Variants in ZNF695 observed in about 807,000 individuals in gnomAD.
ZNF695 encodes zinc finger protein 695, also known as zinc finger protein SBZF3.
A neutral mutation model predicts 11.2 loss-of-function variants in ZNF695; 11 were observed. That is an observed-to-expected ratio of 0.98 (90% CI 0.62 to 1.62). The LOEUF is 1.62. ZNF695 is among the 40% of genes most tolerant of loss of function. ZNF695 has a pLI of 0.00. For synonymous variants in ZNF695, 190 were observed against 201.4 expected (o/e 0.94, Z 0.48); for missense variants, 559 against 590.5 (o/e 0.95, Z 0.55).
At chr1:247,007,771 G>C (rs1669584508) in intron 1 of ZNF695, 135 bp downstream of exon 1, 1 of 1,037,474 alleles carries the variant, frequency 9.6e-7, no homozygotes, top group Admixed American at 3.3e-5. Flanking sequence ...GCCGAGCTGC[G>C]CCAGCGGGAC....
intron 5 of ZNF695, among the ~76,000 whole-genome samples, chr1:246,950,876 T>A (rs1232680468): frequency 6.6e-6 from 1 of 152,046 alleles, no homozygotes. Context: ...ATTAAATGAG[T>A]AAACTTGTAA....
At chr1:246,961,036 C>CA (rs573338767) in intron 5 of ZNF695, among the ~76,000 whole-genome samples, 134 of 152,298 alleles carry the variant, frequency 8.8e-4, no homozygotes, top group Middle Eastern at 3.4e-3. Flanking sequence ...AAAACATGTT[C>CA]ACTATGAAGG....
chr1:246,980,758 G>C (rs1457523373), downstream of ZNF695, among the ~76,000 whole-genome samples: 3 of 152,112 alleles, frequency 2.0e-5, no homozygotes, highest in Non-Finnish European at 4.4e-5. Context: ...GAGGCATTAA[G>C]TGCATTCACA....
At chr1:246,948,431 C>G (rs769594441) in intron 5 of ZNF695, among the ~76,000 whole-genome samples, 1 of 151,944 alleles carries the variant, frequency 6.6e-6, no homozygotes, top group African/African-American at 2.4e-5. Flanking sequence ...ACTGTCTGTA[C>G]GAGGCTGCGA....
chr1:246,960,376 T>C (rs999805806), intron 5 of ZNF695, among the ~76,000 whole-genome samples: 15 of 152,192 alleles, frequency 9.9e-5, no homozygotes, highest in Non-Finnish European at 2.1e-4. Flanking sequence ...TTATATTATA[T>C]AGAGTGTGGT....
intron 2 of ZNF695, among the ~76,000 whole-genome samples, 167 bp downstream of exon 2, chr1:246,999,745 C>T (rs1265784851): frequency 1.3e-5 from 2 of 152,120 alleles, no homozygotes; most frequent in African/African-American, 4.8e-5. Flanking sequence ...CAAGGATATA[C>T]ATCAGCTGAA....
chr1:246,995,813 CAA>C (rs60375785), intron 3 of ZNF695, among the ~76,000 whole-genome samples: 1,100 of 66,794 alleles, frequency 0.016, 9 homozygotes, highest in African/African-American at 0.046. Context: ...GACTCTGTCT[CAA>C]AAAAAAAAAA....
intron 1 of ZNF695, among the ~76,000 whole-genome samples, chr1:247,001,433 C>A (rs34651986): frequency 0.039 from 5,970 of 151,456 alleles, 154 homozygotes; most frequent in South Asian, 0.12. Context: ...GAAAAGGAGC[C>A]GGGCGTGGTG....
intron 4 of ZNF695, among the ~76,000 whole-genome samples, chr1:246,978,977 A>G (rs1012796983): frequency 5.3e-5 from 8 of 152,194 alleles, no homozygotes; most frequent in African/African-American, 1.9e-4. Context: ...AGTCTTGTTT[A>G]TCCAAGTGTG....
intron 5 of ZNF695, among the ~76,000 whole-genome samples, chr1:246,958,978 A>G (rs1668079150): frequency 6.6e-6 from 1 of 151,846 alleles, no homozygotes; most frequent in Non-Finnish European, 1.5e-5. Context: ...TACTCTCCTC[A>G]GATGTCAGCG....
At chr1:246,976,080 T>C (rs1668550245) in intron 4 of ZNF695, among the ~76,000 whole-genome samples, 2 of 152,188 alleles carry the variant, frequency 1.3e-5, no homozygotes, top group South Asian at 2.1e-4. Context: ...CTGCTGATAC[T>C]GGCTGGTGAG....
chr1:246,996,216 C>A, intron 3 of ZNF695: 1 of 325,732 alleles, frequency 3.1e-6, no homozygotes, highest in Non-Finnish European at 5.9e-6. Context: ...ATTAGCCAGG[C>A]GTGGTGGTGC....
At chr1:246,972,494 G>T (rs1668451839) in intron 4 of ZNF695, among the ~76,000 whole-genome samples, 1 of 152,066 alleles carries the variant, frequency 6.6e-6, no homozygotes, top group Non-Finnish European at 1.5e-5. Flanking sequence ...TGCACTACTG[G>T]GAATCCAAAA....
At chr1:247,007,389 G>A (rs1254839778) in intron 1 of ZNF695, among the ~76,000 whole-genome samples, 1 of 151,540 alleles carries the variant, frequency 6.6e-6, no homozygotes, top group African/African-American at 2.4e-5. Context: ...CCAGCTACTC[G>A]GGAGGCTGAG....
chr1:246,987,568 C>T lies in ZNF695; in HGVS notation c.947G>A (p.Arg316Lys). Residue 316 changes from arginine to lysine, a missense_variant, in exon 4 of 4, where the codon AGA (arginine) becomes AAA (lysine). By Grantham distance (26) the Arg-to-Lys change is conservative (BLOSUM62 2). Coordinates refer to ENST00000339986, the MANE Select transcript of ZNF695 (RefSeq NM_020394.5). The stretch of plus-strand genomic sequence containing the variant: ...GTAGGGTTTCTCTCTACTATGAATT[C>T]TCTTGTGTTGAGTAAGGTATGGGAA... ...KLFPYLTQHK[R>K]IHSREKPYKC... 1.3e-6 allele frequency: 2 copies of T among 1,597,964 alleles called. No individual in the cohort carries two copies. The highest frequency in any genetic ancestry group is 1.7e-6 in the Non-Finnish European group (2 of 1,173,882).
rs182109133 is a variant in ZNF695, at chr1:246,963,491, T to C, written c.488+4204A>G. 3.3e-3 allele frequency among the ~76,000 whole-genome samples: 494 copies of C among 151,896 alleles called. 1 individual carries two copies. The highest frequency in any genetic ancestry group is 4.3e-3 in the Non-Finnish European group (293 of 67,924). The stretch of plus-strand genomic sequence containing the variant: ...ACTTGTAGAGCTTCCCTTCCAGTGG[T>C]GGTGATGGTGGTGGGAGGGGAGGAA... On this transcript the variant is annotated intron_variant, in intron 5 of 5. Transcript: ENST00000487338.
chr1:246,993,670 A>G (rs1394818994), intron 3 of ZNF695, among the ~76,000 whole-genome samples: 1 of 152,226 alleles, frequency 6.6e-6, no homozygotes, highest in Non-Finnish European at 1.5e-5. Flanking sequence ...AACCCTAAAG[A>G]AATGGAGATA....
At chr1:246,984,223 T>C (rs1391365209), downstream of ZNF695, among the ~76,000 whole-genome samples, 5 of 131,518 alleles carry the variant, frequency 3.8e-5, no homozygotes, top group Non-Finnish European at 7.9e-5. Flanking sequence ...CAAAGTACTA[T>C]ATAAGATGAC....
chr1:246,945,892 G>T, intron 5 of ZNF695: 1 of 1,535,064 alleles, frequency 6.5e-7, no homozygotes, highest in Non-Finnish European at 8.8e-7. Flanking sequence ...TATGATTTAT[G>T]CTGAGGTGTT....
Sources: gnomAD v4.1 joint callset for allele counts (sites outside exome capture counted in the v4.1 genomes callset) on GRCh38, gnomAD v4.1.1 for gene constraint, MANE v1.5 for transcripts, NCBI Gene and HGNC (gene_info 2026-07-23, HGNC 2026-07-21) for gene names.